The following HDAC9 variants were observed in gnomAD, a reference collection of about 807,000 sequenced individuals.
HDAC9 encodes histone deacetylase 9, also known as MEF-2 interacting transcription repressor (MITR) protein.
Under a neutral mutation model 139.4 loss-of-function variants are expected in HDAC9, and 41 were observed. That is an observed-to-expected ratio of 0.29 (90% CI 0.23 to 0.38). The LOEUF is 0.38. Among genes scored for constraint, HDAC9 ranks in the 10% least tolerant of loss-of-function variants. The pLI, the probability that HDAC9 is intolerant of heterozygous loss-of-function variation, is 1.00. For missense variants in HDAC9, 1,147 were observed against 1,297.0 expected, an observed-to-expected ratio of 0.88 and a Z score of 1.78; for synonymous variants, 517 against 476.2, an observed-to-expected ratio of 1.09 and a Z score of -1.12.
At chr7:18,592,240 GC>G in intron 5 of HDAC9, among the ~76,000 whole-genome samples, 1 of 152,124 alleles carries the variant, frequency 6.6e-6, no homozygotes, top group Admixed American at 6.5e-5. Flanking sequence ...GTTTACCCCT[GC>G]CCACCTCACT....
intron 1 of HDAC9, among the ~76,000 whole-genome samples, chr7:18,395,430 A>G (rs1418053791): frequency 1.3e-5 from 2 of 151,796 alleles, no homozygotes; most frequent in Non-Finnish European, 1.5e-5. Context: ...TAATGCATGT[A>G]TGGGACTATC....
intron 24 of HDAC9, among the ~76,000 whole-genome samples, chr7:18,970,083 T>C (rs1426124260): frequency 1.3e-5 from 2 of 152,180 alleles, no homozygotes; most frequent in East Asian, 3.8e-4. Flanking sequence ...AAATTAAAAA[T>C]GCTAAAAATT....
At chr7:18,577,232 G>A (rs1003723567) in intron 2 of HDAC9, among the ~76,000 whole-genome samples, 14 of 152,196 alleles carry the variant, frequency 9.2e-5, no homozygotes, top group Non-Finnish European at 1.6e-4. Context: ...TGCTTGTTTT[G>A]TGAAACAACC....
intron 22 of HDAC9, among the ~76,000 whole-genome samples, chr7:18,916,523 A>G (rs1259111943): frequency 1.3e-5 from 2 of 151,952 alleles, no homozygotes; most frequent in African/African-American, 4.8e-5. Context: ...AAACTATTGA[A>G]ACTTCAGGTA....
At chr7:18,185,604 A>C (rs1364149844) in intron 2 of HDAC9, among the ~76,000 whole-genome samples, 1 of 152,196 alleles carries the variant, frequency 6.6e-6, no homozygotes, top group Non-Finnish European at 1.5e-5. Context: ...GTACATATCT[A>C]TACTTTTTAA....
At chr7:18,113,539 T>C (rs1453373187) in intron 1 of HDAC9, among the ~76,000 whole-genome samples, 1 of 152,246 alleles carries the variant, frequency 6.6e-6, no homozygotes, top group African/African-American at 2.4e-5. Flanking sequence ...CATGCATGGA[T>C]AGTTTGAACA....
chr7:18,372,157 G>C (rs1206784094), intron 1 of HDAC9, among the ~76,000 whole-genome samples: 1 of 152,220 alleles, frequency 6.6e-6, no homozygotes, highest in African/African-American at 2.4e-5. Flanking sequence ...AGTGTGAGTA[G>C]TTCTGAAAGT....
intron 21 of HDAC9, among the ~76,000 whole-genome samples, chr7:18,850,106 C>T (rs1015160254): frequency 2.3e-5 from 3 of 128,514 alleles, no homozygotes; most frequent in Admixed American, 2.3e-4. Flanking sequence ...AAAAAGAAAA[C>T]ACAAATAAGC....
chr7:18,381,880 C>T (rs912678510), intron 1 of HDAC9, among the ~76,000 whole-genome samples: 13 of 151,950 alleles, frequency 8.6e-5, no homozygotes, highest in African/African-American at 1.5e-4. Context: ...TCCTATTTTT[C>T]GCCTCAGGTA....
intron 1 of HDAC9, among the ~76,000 whole-genome samples, chr7:18,341,223 T>A (rs531917624): frequency 2.5e-4 from 38 of 151,640 alleles, no homozygotes; most frequent in Non-Finnish European, 5.0e-4. Context: ...TTTGTGTGTG[T>A]GTGTGTGTGT....
chr7:18,092,207 G>A lies in HDAC9; in HGVS notation c.-97+4994G>A, dbSNP rs754323341. Among the ~76,000 whole-genome samples, 58 of 151,868 alleles carry A rather than the reference G, an allele frequency of 3.8e-4. 1 individual carries two copies. The highest frequency in any genetic ancestry group is 3.1e-3 in the Admixed American group (47 of 15,256). ...TCAAGATCAGCCTGGGCAACATGGC[G>A]CGACCCTGTTGCTACAAAAAAATGC... On this transcript the variant is annotated intron_variant, in intron 1 of 12. Coordinates refer to the HDAC9 transcript ENST00000417496.
intron 2 of HDAC9, among the ~76,000 whole-genome samples, chr7:18,206,153 A>G (rs968508528): frequency 2.0e-5 from 3 of 152,190 alleles, no homozygotes; most frequent in African/African-American, 7.2e-5. Flanking sequence ...TCTGTGTTTT[A>G]TAGTCATGGA....
chr7:18,968,198 C>CA (rs1784009074), intron 24 of HDAC9, among the ~76,000 whole-genome samples: 1 of 152,142 alleles, frequency 6.6e-6, no homozygotes, highest in African/African-American at 2.4e-5. Flanking sequence ...TTCAGCAAGA[C>CA]AGTTCAAAAT....
chr7:18,744,118 G>A (rs906118823), intron 13 of HDAC9, among the ~76,000 whole-genome samples: 2 of 148,974 alleles, frequency 1.3e-5, no homozygotes, highest in Admixed American at 1.4e-4. Context: ...AGCCTCCTGA[G>A]TAGCTGGGAT....
intron 21 of HDAC9, among the ~76,000 whole-genome samples, chr7:18,844,770 G>T (rs1290566510): frequency 1.3e-5 from 2 of 152,154 alleles, no homozygotes; most frequent in Non-Finnish European, 2.9e-5. Context: ...TACCCAAAGA[G>T]ATCTGGGTTT....
At chr7:18,102,482 A>C (rs534992473) in intron 1 of HDAC9, among the ~76,000 whole-genome samples, 127 of 152,326 alleles carry the variant, frequency 8.3e-4, no homozygotes, top group Middle Eastern at 3.4e-3. Context: ...TTACATGGCT[A>C]TGTTTCCAAT....
At chr7:18,583,579 TAAA>T (rs11418791) in intron 2 of HDAC9, among the ~76,000 whole-genome samples, 2 of 136,742 alleles carry the variant, frequency 1.5e-5, no homozygotes, top group African/African-American at 2.8e-5. Flanking sequence ...ACCCCAGCTA[TAAA>T]AAAAAAAAAA....
At chr7:18,689,813 C>T (rs1373762702) in intron 12 of HDAC9, among the ~76,000 whole-genome samples, 1 of 151,892 alleles carries the variant, frequency 6.6e-6, no homozygotes, top group African/African-American at 2.4e-5. Flanking sequence ...TTAAAATAAG[C>T]ATTTTTGGTG....
upstream of HDAC9, chr7:18,086,873 G>T (rs935090280): frequency 1.4e-5 from 2 of 146,286 alleles, no homozygotes; most frequent in Admixed American, 1.4e-4. Context: ...GCTCGCAGCC[G>T]CCCGCTGCCG....
Sources: gnomAD v4.1 joint callset for allele counts (sites outside exome capture counted in the v4.1 genomes callset) on GRCh38, gnomAD v4.1.1 for gene constraint, MANE v1.5 for transcripts, NCBI Gene and HGNC (gene_info 2026-07-23, HGNC 2026-07-21) for gene names.